LCOR: variants seen among roughly 807,000 people sequenced by gnomAD.
The protein encoded by LCOR is ligand-dependent corepressor.
LCOR carries 14 observed loss-of-function variants against 64.4 expected under a neutral mutation model. That is an observed-to-expected ratio of 0.22 (90% CI 0.14 to 0.34). The LOEUF is 0.34. Among genes scored for constraint, LCOR ranks in the 10% least tolerant of loss-of-function variants. The pLI is 1.00. For missense variants in LCOR, 1,686 were observed against 1,765.3 expected (o/e 0.96, Z 0.80); for synonymous variants, 643 against 642.5 (o/e 1.00, Z -0.01).
At chr10:96,904,721 T>G (rs1158542946) in intron 2 of LCOR, among the ~76,000 whole-genome samples, 25 of 152,244 alleles carry the variant, frequency 1.6e-4, no homozygotes, top group Admixed American at 1.6e-3. Context: ...TTCCATGGCA[T>G]TTTGTTATTG....
At chr10:96,975,899 C>T (rs1848036026) in intron 7 of LCOR, among the ~76,000 whole-genome samples, 1 of 151,982 alleles carries the variant, frequency 6.6e-6, no homozygotes, top group African/African-American at 2.4e-5. Flanking sequence ...CCTGTAATCC[C>T]AGCTACTTGG....
intron 2 of LCOR, among the ~76,000 whole-genome samples, chr10:96,897,677 T>G (rs1398634447): frequency 6.6e-6 from 1 of 152,204 alleles, no homozygotes; most frequent in Non-Finnish European, 1.5e-5. Flanking sequence ...AATACTATTG[T>G]TTTTCAGGAC....
chr10:96,832,458 G>A (rs914952698), intron 1 of LCOR, 59 bp downstream of exon 1: 8 of 658,006 alleles, frequency 1.2e-5, no homozygotes, highest in East Asian at 1.4e-4. Flanking sequence ...GGTCGCCCCA[G>A]ACCAGGGAGG....
chr10:96,978,846 C>T (rs184426513), intron 7 of LCOR, among the ~76,000 whole-genome samples: 1 of 152,346 alleles, frequency 6.6e-6, no homozygotes, highest in African/African-American at 2.4e-5. Flanking sequence ...GTCTGAGCAC[C>T]TGCCCTTTTG....
intron 2 of LCOR, among the ~76,000 whole-genome samples, chr10:96,890,402 A>G (rs777449541): frequency 6.6e-6 from 1 of 152,274 alleles, no homozygotes; most frequent in South Asian, 2.1e-4. Flanking sequence ...TGATTTTCTT[A>G]TGCTAATCTT....
In LCOR at chr10:96,993,739, A is replaced by ATGTT. The variant is rs1848220168; in HGVS notation, c.*8606_*8609dup. 1 of 147,736 alleles carries ATGTT rather than the reference A, an allele frequency of 6.8e-6. No individual in the cohort carries two copies. Among genetic ancestry groups the ATGTT allele is most frequent in the Admixed American group, 6.7e-5 (1 of 14,824 alleles). 9.2% of individuals were successfully genotyped at this position (147,736 alleles called of 1,614,324 possible). ...AACTGCCCCCTCTTCTCATCTGGTT[A>ATGTT]TGTTATATTATATATATATATTATA... On this transcript the variant is annotated 3_prime_UTR_variant, in exon 8 of 8. Transcript: ENST00000421806.
chr10:96,834,262 A>G (rs1845401627), intron 2 of LCOR, among the ~76,000 whole-genome samples: 1 of 152,214 alleles, frequency 6.6e-6, no homozygotes. Flanking sequence ...TTAAAAGTGC[A>G]TTTTCAAACA....
At chr10:96,955,559 C>A (rs1383454376) in intron 7 of LCOR, 1 of 1,614,056 alleles carries the variant, frequency 6.2e-7, no homozygotes, top group Admixed American at 1.7e-5. Context: ...ATTCTTGGGG[C>A]TCAGATGCTG....
chr10:96,957,109 G>C, intron 7 of LCOR: 1 of 984,966 alleles, frequency 1.0e-6, no homozygotes, highest in Non-Finnish European at 1.2e-6. Context: ...CAAGCTCATT[G>C]GAATTCCTTT....
At chr10:96,952,251 G>A (rs118148005) in intron 7 of LCOR, 55 bp downstream of exon 7, 32,141 of 1,159,486 alleles carry the variant, frequency 0.028, 537 homozygotes, top group South Asian at 0.046. Flanking sequence ...TTCATCAAAG[G>A]TTGATGCCAG....
intron 2 of LCOR, among the ~76,000 whole-genome samples, chr10:96,890,714 T>A (rs1055314005): frequency 6.6e-6 from 1 of 152,176 alleles, no homozygotes; most frequent in Non-Finnish European, 1.5e-5. Context: ...ATGAAAAAGC[T>A]CCTTTCTATT....
chr10:96,913,274 G>A (rs1178716555), intron 4 of LCOR, among the ~76,000 whole-genome samples: 1 of 152,068 alleles, frequency 6.6e-6, no homozygotes, highest in Non-Finnish European at 1.5e-5. Flanking sequence ...GTGTAGCTAT[G>A]TTATTTTATA....
intron 4 of LCOR, among the ~76,000 whole-genome samples, chr10:96,910,442 A>G (rs531223792): frequency 1.7e-4 from 26 of 152,356 alleles, no homozygotes; most frequent in African/African-American, 6.3e-4. Context: ...AAAATAGTAA[A>G]AGAGAAAGCC....
intron 2 of LCOR, among the ~76,000 whole-genome samples, chr10:96,856,839 C>T (rs1042098380): frequency 1.4e-4 from 21 of 147,800 alleles, no homozygotes; most frequent in Admixed American, 1.4e-3. Flanking sequence ...TAGCTCACTA[C>T]GGGTAGACAA....
At chr10:96,971,478 G>A (rs1589689792) in intron 7 of LCOR, among the ~76,000 whole-genome samples, 1 of 152,168 alleles carries the variant, frequency 6.6e-6, no homozygotes, top group East Asian at 1.9e-4. Flanking sequence ...GAGGTTCACA[G>A]TCCATGGAGA....
At chr10:96,893,198 T>C (rs939395125) in intron 2 of LCOR, among the ~76,000 whole-genome samples, 2 of 152,226 alleles carry the variant, frequency 1.3e-5, no homozygotes, top group East Asian at 3.8e-4. Context: ...TGCTGCTACA[T>C]AGCTCTCCCC....
At chr10:96,857,726 C>T (rs1226178449) in intron 2 of LCOR, among the ~76,000 whole-genome samples, 1 of 152,106 alleles carries the variant, frequency 6.6e-6, no homozygotes, top group Non-Finnish European at 1.5e-5. Flanking sequence ...TGATCTTGGG[C>T]AGGGTAGGGG....
At chr10:96,857,188 G>A (rs987342628) in intron 2 of LCOR, among the ~76,000 whole-genome samples, 3 of 152,082 alleles carry the variant, frequency 2.0e-5, no homozygotes, top group Non-Finnish European at 2.9e-5. Context: ...AAGAAATAGT[G>A]TTGTAATTGT....
At chr10:96,848,514 C>T (rs746746081) in intron 2 of LCOR, among the ~76,000 whole-genome samples, 1 of 152,010 alleles carries the variant, frequency 6.6e-6, no homozygotes, top group Non-Finnish European at 1.5e-5. Flanking sequence ...AAAAATTAGC[C>T]GGTTGTGGTG....
Sources: gnomAD v4.1 joint callset for allele counts (sites outside exome capture counted in the v4.1 genomes callset) on GRCh38, gnomAD v4.1.1 for gene constraint, MANE v1.5 for transcripts, NCBI Gene and HGNC (gene_info 2026-07-23, HGNC 2026-07-21) for gene names.